ZNF467: variants seen among roughly 807,000 people sequenced by gnomAD.
The protein encoded by ZNF467 is zinc finger protein EZI.
Under a neutral mutation model 47.8 loss-of-function variants are expected in ZNF467, and 51 were observed. That is an observed-to-expected ratio of 1.07 (90% CI 0.85 to 1.35). ZNF467 has a LOEUF of 1.35. Among genes scored for constraint, ZNF467 ranks in the 40% most tolerant of loss-of-function variants. The pLI, the probability that ZNF467 is intolerant of heterozygous loss-of-function variation, is 0.00. For synonymous variants in ZNF467, 416 were observed against 372.9 expected, an observed-to-expected ratio of 1.12 and a Z score of -1.33; for missense variants, 992 against 858.1, an observed-to-expected ratio of 1.16 and a Z score of -1.95.
At chr7:149,775,708 TACACACACACACAC>T (rs3085320), upstream of ZNF467, among the ~76,000 whole-genome samples, 3,381 of 138,980 alleles carry the variant, frequency 0.024, 79 homozygotes, top group African/African-American at 0.053. Flanking sequence ...AGTGTGAAAA[TACACACACACACAC>T]ACACACACAC....
At chr7:149,775,906 G>A, upstream of ZNF467, 1 of 605,482 alleles carries the variant, frequency 1.7e-6, no homozygotes, top group African/African-American at 1.9e-5. Context: ...ACAGCCCCCA[G>A]AACTGGCCAC....
chr7:149,774,126 T>C (rs1799512534), upstream of ZNF467, among the ~76,000 whole-genome samples: 1 of 151,442 alleles, frequency 6.6e-6, no homozygotes, highest in Non-Finnish European at 1.5e-5. This position sits in a 1 kb window ranked among gnomAD's most constrained non-coding sequence, Gnocchi z 5.7. Flanking sequence ...GGGAGGGCTC[T>C]ATGGGCGGGA....
Position 149,765,897 on chromosome 7 carries a change from T to C in ZNF467, c.605A>G (p.His202Arg), listed in dbSNP as rs1264336991. 3 of 1,578,656 alleles carry C rather than the reference T, an allele frequency of 1.9e-6. No homozygotes were observed. The highest frequency in any genetic ancestry group is 2.6e-6 in the Non-Finnish European group (3 of 1,163,166). The change falls in exon 5 of 5, where the codon CAC becomes CGC. Residue 202 changes from histidine to arginine, a missense_variant. By Grantham distance (29) the His-to-Arg change is conservative. Transcript: ENST00000302017. ...GTGGCTGCGCTGATGCAGTAGCATG[T>C]GGGCGCGCTGCGTGAAGCTGCGGCC... ...DCGRSFTQRA[H>R]MLLHQRSHRG...
chr7:149,765,780 T>C lies in ZNF467; in HGVS notation c.722A>G (p.Glu241Gly). ...GCACTCCGCGCACGGGTAGGGCCGC[T>C]CGCCCGTGTGCGTGCGCAGGTGGCG... is the stretch of plus-strand genomic sequence containing the variant. ...LTRHLRTHTG[E>G]RPYPCAECGK... The change falls in exon 5 of 5, where the codon GAG (glutamate) becomes GGG (glycine). Residue 241 changes from glutamate to glycine, a missense_variant. Physicochemically the swap from Glu to Gly is moderately conservative, Grantham distance 98. Coordinates refer to ENST00000302017, the MANE Select transcript of ZNF467 (RefSeq NM_207336.3). The C allele has an allele frequency of 6.2e-7, 1 of 1,612,024 alleles. No homozygotes were observed. The highest frequency in any genetic ancestry group is 8.5e-7 in the Non-Finnish European group (1 of 1,179,262).
In ZNF467 at chr7:149,769,968, T is replaced by A. The variant is rs917639693; in HGVS notation, c.151+472A>T. 1.3e-5 allele frequency among the ~76,000 whole-genome samples: 2 copies of A among 152,148 alleles called. No homozygotes were observed. The highest frequency in any genetic ancestry group is 1.3e-4 in the Admixed American group (2 of 15,284). On this transcript the variant is annotated intron_variant, in intron 3 of 4. Transcript: ENST00000302017. The surrounding 1 kb of genome is among the most constrained non-coding windows in gnomAD (Gnocchi z 5.3). ...CTGAGAATACAGGCATAAGCCACCA[T>A]GCCCGGCTTCCCCAAGCTCCTTCAA...
intron 4 of ZNF467, 108 bp from the exon 5 acceptor site, chr7:149,766,347 C>T: frequency 6.8e-7 from 1 of 1,470,652 alleles, no homozygotes; most frequent in South Asian, 1.4e-5. Flanking sequence ...CTGCTCTCCA[C>T]TCTACCTAAC....
At chr7:149,775,979 A>G (rs1799565243), upstream of ZNF467, 14 of 1,266,346 alleles carry the variant, frequency 1.1e-5, no homozygotes, top group South Asian at 1.7e-4. Flanking sequence ...CCCTCTCTGC[A>G]GCATTGCCTC....
upstream of ZNF467, among the ~76,000 whole-genome samples, chr7:149,775,599 C>T (rs1389033325): frequency 6.6e-6 from 1 of 152,142 alleles, no homozygotes; most frequent in East Asian, 1.9e-4. Flanking sequence ...TTGTGCATCC[C>T]TGGGAAGTCC....
intron 4 of ZNF467, among the ~76,000 whole-genome samples, chr7:149,767,881 G>T (rs1467857945): frequency 1.3e-5 from 2 of 152,052 alleles, no homozygotes; most frequent in Non-Finnish European, 2.9e-5. Context: ...GATAAAACAG[G>T]TTCTAGCTGC....
chr7:149,771,790 C>G (rs1445537487), intron 1 of ZNF467, among the ~76,000 whole-genome samples: 5 of 145,458 alleles, frequency 3.4e-5, no homozygotes, highest in African/African-American at 1.3e-4. Context: ...CCTCTGCCTT[C>G]CGCCCTCTCT....
chr7:149,775,850 G>T (rs1486778341), upstream of ZNF467, among the ~76,000 whole-genome samples: 1 of 152,230 alleles, frequency 6.6e-6, no homozygotes, highest in Non-Finnish European at 1.5e-5. Flanking sequence ...CAATCCGGTT[G>T]TGGGCAGCTG....
intron 1 of ZNF467, among the ~76,000 whole-genome samples, chr7:149,772,876 C>A (rs1436444013): frequency 1.6e-5 from 2 of 123,386 alleles, no homozygotes; most frequent in African/African-American, 6.4e-5. Context: ...CCGCCCTTCC[C>A]TCCAGCCCCC....
At chr7:149,767,744 G>A (rs910982489) in intron 4 of ZNF467, among the ~76,000 whole-genome samples, 6 of 152,172 alleles carry the variant, frequency 3.9e-5, no homozygotes, top group Non-Finnish European at 5.9e-5. Context: ...CAGAGATGGG[G>A]TCTCGCTGTG....
At chr7:149,766,683 C>T (rs182247093) in intron 4 of ZNF467, among the ~76,000 whole-genome samples, 1 of 152,294 alleles carries the variant, frequency 6.6e-6, no homozygotes. Context: ...TCACCACACA[C>T]CTGAGCTTCC....
Position 149,764,745 on chromosome 7 carries a change from G to C in ZNF467, c.1757C>G (p.Pro586Arg), listed in dbSNP as rs558872346. 9.3e-5 allele frequency: 144 copies of C among 1,548,524 alleles called. No homozygotes were observed. Among genetic ancestry groups the C allele is most frequent in the South Asian group, 4.4e-4 (36 of 81,392 alleles). ...ALAAPAWSAPPEVAPPPLFF is the reference protein window; with the variant it reads ...ALAAPAWSAPREVAPPPLFF ...GAAGAGCGGGGGCGGCGCCACCTCG[G>C]GGGGAGCGGACCAGGCTGGGGCCGC... is the stretch of plus-strand genomic sequence containing the variant. The change falls in exon 5 of 5, where the codon CCC (proline) becomes CGC (arginine). Residue 586 changes from proline (P) to arginine (R), a missense_variant. Coordinates refer to ENST00000302017, the MANE Select transcript of ZNF467 (RefSeq NM_207336.3).
In ZNF467 at chr7:149,765,966, T is replaced by C; in HGVS notation, c.536A>G (p.Gln179Arg). 1.3e-6 allele frequency: 2 copies of C among 1,554,128 alleles called. No homozygotes were observed. Among genetic ancestry groups the C allele is most frequent in the Non-Finnish European group, 1.7e-6 (2 of 1,149,704 alleles). Residue 179 changes from glutamine (Q) to arginine (R), a missense_variant, in exon 5 of 5, where the codon CAG becomes CGG. Gln to Arg is a conservative substitution (Grantham distance 43). Transcript: ENST00000302017. ...FRDQLTLRLH[Q>R]RLHRGEGPCA... ...GGGGCCCTCGCCCCGGTGCAGCCGCTGGTGCAGTCGCAACGTCAGCTGGTC... is the reference window on the plus strand; with the variant it reads ...GGGGCCCTCGCCCCGGTGCAGCCGCCGGTGCAGTCGCAACGTCAGCTGGTC...
rs757085442 is a variant in ZNF467, at chr7:149,766,062, A to G, written c.440T>C (p.Leu147Pro). 1.2e-6 allele frequency: 2 copies of G among 1,608,912 alleles called. No individual in the cohort carries two copies. The highest frequency in any genetic ancestry group is 1.6e-4 in the Middle Eastern group (1 of 6,076). Residue 147 changes from leucine to proline, a missense_variant, in exon 5 of 5, where the codon CTC (leucine) becomes CCC (proline). Coordinates refer to ENST00000302017, the MANE Select transcript of ZNF467 (RefSeq NM_207336.3). ...EPGAPGALSG[L>P]ALSGWGPMPE... ...CATCGGACCCCACCCAGACAGCGCG[A>G]GCCCACTCAGTGCCCCCGGGGCCCC...
In ZNF467 at chr7:149,770,553, A is replaced by T; in HGVS notation, c.38T>A (p.Phe13Tyr). 6.2e-7 allele frequency: 1 copy of T among 1,612,202 alleles called. No individual in the cohort carries two copies. The highest frequency in any genetic ancestry group is 8.5e-7 in the Non-Finnish European group (1 of 1,178,990). Residue 13 changes from phenylalanine (F) to tyrosine (Y), a missense_variant, in exon 3 of 5, where the codon TTC becomes TAC. Transcript: ENST00000302017. ...ETLEALSSLGFSVGQPEMAPQ... is the reference protein window; with the variant it reads ...ETLEALSSLGYSVGQPEMAPQ... ...GGCCATCTCTGGCTGTCCCACAGAG[A>T]ATCCTGTTACAGGCAGAAGGATGGG...
intron 2 of ZNF467, 106 bp from the exon 3 acceptor site, chr7:149,770,662 A>G: frequency 1.0e-6 from 1 of 954,304 alleles, no homozygotes; most frequent in Non-Finnish European, 1.6e-6. Flanking sequence ...ACTTTTCCCA[A>G]CCTGCTCAGG....
Sources: gnomAD v4.1 joint callset for allele counts (sites outside exome capture counted in the v4.1 genomes callset) on GRCh38, gnomAD v4.1.1 for gene constraint, Gnocchi (gnomAD v3.1) non-coding constraint, MANE v1.5 for transcripts, NCBI Gene and HGNC (gene_info 2026-07-23, HGNC 2026-07-21) for gene names.